The following SPATA16 variants were observed in gnomAD, a reference collection of about 807,000 sequenced individuals.
SPATA16 encodes spermatogenesis associated 16, also known as spermatogenesis-associated protein 16.
SPATA16 carries 36 observed loss-of-function variants against 63.3 expected under a neutral mutation model. The ratio of observed to expected loss-of-function variants is 0.57; its 90% CI spans 0.44 to 0.75. The LOEUF is 0.75. Among genes scored for constraint, SPATA16 ranks in the 30% least tolerant of loss-of-function variants. SPATA16 has a pLI of 0.00. For synonymous variants in SPATA16, 203 were observed against 216.7 expected (o/e 0.94, Z 0.56); for missense variants, 646 against 679.3 (o/e 0.95, Z 0.54).
chr3:173,113,126 G>A (rs1737793547), intron 2 of SPATA16, among the ~76,000 whole-genome samples: 2 of 152,124 alleles, frequency 1.3e-5, no homozygotes, highest in South Asian at 4.1e-4. Context: ...AGTATGTATT[G>A]CCTAATATGC....
At chr3:173,051,371 T>G (rs760007624) in intron 2 of SPATA16, among the ~76,000 whole-genome samples, 21 of 151,936 alleles carry the variant, frequency 1.4e-4, no homozygotes, top group Middle Eastern at 3.2e-3. Context: ...CCCGGCTAAT[T>G]TTTTGTATTT....
At chr3:172,922,597 A>G (rs1471945943) in intron 8 of SPATA16, among the ~76,000 whole-genome samples, 1 of 152,188 alleles carries the variant, frequency 6.6e-6, no homozygotes, top group Non-Finnish European at 1.5e-5. Context: ...TTTCCTGACA[A>G]GTGACAAGGT....
At chr3:173,070,449 C>T (rs1023769025) in intron 2 of SPATA16, among the ~76,000 whole-genome samples, 4 of 147,064 alleles carry the variant, frequency 2.7e-5, no homozygotes, top group Non-Finnish European at 6.0e-5. Context: ...CAACATAGTA[C>T]TAGAAGCCCT....
chr3:172,960,981 T>TTC (rs756151707), intron 5 of SPATA16, among the ~76,000 whole-genome samples: 45 of 149,122 alleles, frequency 3.0e-4, no homozygotes, highest in Non-Finnish European at 5.6e-4. Context: ...CTTTTTCTCT[T>TTC]TCTCTTTCTT....
intron 6 of SPATA16, among the ~76,000 whole-genome samples, chr3:172,926,448 T>C (rs1732739627): frequency 6.6e-6 from 1 of 152,186 alleles, no homozygotes; most frequent in Non-Finnish European, 1.5e-5. Context: ...GAATTCCACA[T>C]AATAACTTCA....
At chr3:173,069,057 C>T (rs1736601102) in intron 2 of SPATA16, among the ~76,000 whole-genome samples, 1 of 146,922 alleles carries the variant, frequency 6.8e-6, no homozygotes, top group Admixed American at 6.8e-5. Context: ...TTGCAGTGAG[C>T]TGAGATGGTG....
chr3:173,008,350 G>A (rs1028107787), intron 4 of SPATA16, among the ~76,000 whole-genome samples: 1 of 152,100 alleles, frequency 6.6e-6, no homozygotes, highest in Admixed American at 6.6e-5. Context: ...GGACTCCAGA[G>A]ATCTGGGGCC....
At chr3:172,975,806 A>T (rs1734144209) in intron 5 of SPATA16, among the ~76,000 whole-genome samples, 1 of 152,102 alleles carries the variant, frequency 6.6e-6, no homozygotes, top group Non-Finnish European at 1.5e-5. Context: ...AGATAGAACC[A>T]TGTGCATTGC....
chr3:172,971,798 T>C (rs569349772), intron 5 of SPATA16, among the ~76,000 whole-genome samples: 73 of 152,278 alleles, frequency 4.8e-4, no homozygotes, highest in Non-Finnish European at 9.6e-4. Context: ...AATAACATTG[T>C]GGGTGCTATT....
chr3:172,903,945 A>G (rs1182445129), intron 10 of SPATA16, among the ~76,000 whole-genome samples: 2 of 152,244 alleles, frequency 1.3e-5, no homozygotes, highest in Non-Finnish European at 2.9e-5. Flanking sequence ...AGGTCAGGCA[A>G]CGTTCTTTGT....
chr3:173,100,662 A>G (rs1208361002), intron 2 of SPATA16, among the ~76,000 whole-genome samples: 17 of 29,204 alleles, frequency 5.8e-4, no homozygotes, highest in African/African-American at 2.8e-3. Flanking sequence ...CATAAACAGC[A>G]CACACACACA....
intron 2 of SPATA16, among the ~76,000 whole-genome samples, chr3:173,101,047 TGTGA>T (rs1454891679): frequency 5.3e-5 from 8 of 152,046 alleles, no homozygotes. Flanking sequence ...GCAGGAGAGG[TGTGA>T]GTAACTAAAG....
At chr3:173,103,927 A>G (rs1252085366) in intron 2 of SPATA16, among the ~76,000 whole-genome samples, 1 of 152,132 alleles carries the variant, frequency 6.6e-6, no homozygotes, top group Non-Finnish European at 1.5e-5. Flanking sequence ...ACTTTAAGTC[A>G]TTTATCTGCT....
At chr3:173,107,074 T>G (rs1737637387) in intron 2 of SPATA16, among the ~76,000 whole-genome samples, 1 of 152,146 alleles carries the variant, frequency 6.6e-6, no homozygotes, top group Non-Finnish European at 1.5e-5. Flanking sequence ...ACTGAACACT[T>G]AATAGATTTC....
intron 6 of SPATA16, among the ~76,000 whole-genome samples, chr3:172,926,625 G>A (rs748349442): frequency 2.6e-5 from 4 of 152,154 alleles, no homozygotes; most frequent in Non-Finnish European, 5.9e-5. Flanking sequence ...CTTCAAGATC[G>A]CTTGGCACTA....
chr3:172,980,756 G>GT (rs991392227), intron 4 of SPATA16, among the ~76,000 whole-genome samples: 2 of 152,064 alleles, frequency 1.3e-5, no homozygotes, highest in African/African-American at 4.8e-5. Context: ...AAATGCTGTT[G>GT]TTTCTTCCTT....
intron 1 of SPATA16, among the ~76,000 whole-genome samples, chr3:173,119,256 T>A (rs1296084108): frequency 6.6e-6 from 1 of 152,148 alleles, no homozygotes; most frequent in South Asian, 2.1e-4. Context: ...GAAACCACCA[T>A]GGCACATGTA....
At chr3:172,900,205 C>A (rs1252562267) in intron 10 of SPATA16, among the ~76,000 whole-genome samples, 1 of 152,100 alleles carries the variant, frequency 6.6e-6, no homozygotes, top group East Asian at 1.9e-4. Context: ...ATTGGGTTGG[C>A]AATTCTTTTC....
chr3:173,126,047 TCTTTTTTCTTATTTTTGTTGTTTGTTA>T (rs745902288), intron 1 of SPATA16, among the ~76,000 whole-genome samples: 5,605 of 152,206 alleles, frequency 0.037, 161 homozygotes, highest in Non-Finnish European at 0.051. Flanking sequence ...GCATCCTGAT[TCTTTTTTCTTATTTTTGTTGTTTGTTA>T]CTCTATGTCA....
Sources: gnomAD v4.1 joint callset for allele counts (sites outside exome capture counted in the v4.1 genomes callset) on GRCh38, gnomAD v4.1.1 for gene constraint, MANE v1.5 for transcripts, NCBI Gene and HGNC (gene_info 2026-07-23, HGNC 2026-07-21) for gene names.